GSK3B: variants seen among roughly 807,000 people sequenced by gnomAD.
GSK3B encodes the protein glycogen synthase kinase 3 beta, also known as glycogen synthase kinase-3 beta.
In GSK3B, 15 loss-of-function variants were observed where a neutral mutation model predicts 56.4. The observed-to-expected ratio is 0.27, with a 90% CI of 0.18 to 0.41. The LOEUF (loss-of-function observed/expected upper bound fraction) is 0.41, where lower values mean the gene tolerates loss of function less well. Ranked by LOEUF, GSK3B falls within the 10% of genes least tolerant of loss-of-function variation. GSK3B has a pLI of 1.00. For synonymous variants in GSK3B, 181 were observed against 188.9 expected (o/e 0.96, Z 0.34); for missense variants, 300 against 513.4 (o/e 0.58, Z 4.02).
chr3:119,826,013 TCAGG>T lies in GSK3B; in HGVS notation c.*771_*774del, dbSNP rs1489307696. On this transcript the variant is annotated 3_prime_UTR_variant, in exon 11 of 11. Transcript: ENST00000264235. ...TGCTAAGATTTGCAAAGAACTTTGG[TCAGG>T]CAAACAAAGAGCCACCTGTAGAGCA... 1 of 219,258 alleles carries T rather than the reference TCAGG, an allele frequency of 4.6e-6. No individual in the cohort carries two copies. The highest frequency in any genetic ancestry group is 2.2e-5 in the African/African-American group (1 of 44,546). 13.6% of individuals were successfully genotyped at this position (219,258 alleles called of 1,614,324 possible). A position where few individuals can be genotyped will look rare whatever the true frequency, so the allele number is the denominator to read the frequency against.
chr3:119,929,888 C>A lies in GSK3B; in HGVS notation c.367-6405G>T, dbSNP rs190187688. Among the ~76,000 whole-genome samples, 562 of 145,894 alleles carry A rather than the reference C, an allele frequency of 3.9e-3. 2 individuals are homozygous for A. The highest frequency in any genetic ancestry group is 0.018 in the Middle Eastern group (5 of 282). ...TGCACCCCAGTCTGGGCAACAAGAG[C>A]GAAACTCTGCCTCAAAAAAAAAAAA... On this transcript the variant is annotated intron_variant, in intron 3 of 10. Transcript: ENST00000264235.
At chr3:119,855,139 C>CA (rs2055999769) in intron 9 of GSK3B, among the ~76,000 whole-genome samples, 1 of 152,156 alleles carries the variant, frequency 6.6e-6, no homozygotes, top group Admixed American at 6.5e-5. Flanking sequence ...TCATTGGTTT[C>CA]AAAGAACATC....
At chr3:119,921,604 A>G (rs1373514084) in intron 4 of GSK3B, among the ~76,000 whole-genome samples, 1 of 152,236 alleles carries the variant, frequency 6.6e-6, no homozygotes, top group East Asian at 1.9e-4. Context: ...TATAGGTCAA[A>G]TGATCCGGTT....
chr3:119,838,124 C>T (rs1327723516), intron 10 of GSK3B, among the ~76,000 whole-genome samples: 1 of 151,560 alleles, frequency 6.6e-6, no homozygotes, highest in Non-Finnish European at 1.5e-5. Context: ...CCCGTCTGTA[C>T]TAAAATTGCA....
chr3:119,961,754 G>A (rs2057274901), intron 2 of GSK3B, among the ~76,000 whole-genome samples: 1 of 151,766 alleles, frequency 6.6e-6, no homozygotes, highest in African/African-American at 2.4e-5. Context: ...TATAAAATCA[G>A]TCACTGACTT....
At chr3:120,070,007 G>T (rs1463015750) in intron 1 of GSK3B, among the ~76,000 whole-genome samples, 1 of 152,144 alleles carries the variant, frequency 6.6e-6, no homozygotes, top group African/African-American at 2.4e-5. Context: ...GAGGTCAAGA[G>T]ATCGAGACCA....
chr3:120,045,933 C>G (rs2058098821), intron 1 of GSK3B, among the ~76,000 whole-genome samples: 1 of 152,108 alleles, frequency 6.6e-6, no homozygotes, highest in Non-Finnish European at 1.5e-5. Context: ...CAGAAAAAGA[C>G]ATAAAGGAAT....
intron 1 of GSK3B, among the ~76,000 whole-genome samples, chr3:120,008,739 C>G (rs1306694211): frequency 6.6e-6 from 1 of 152,140 alleles, no homozygotes; most frequent in East Asian, 1.9e-4. Context: ...ACGTTAAGAC[C>G]TAGGTCCATA....
At chr3:119,954,855 T>A (rs1026208200) in intron 2 of GSK3B, among the ~76,000 whole-genome samples, 2 of 152,202 alleles carry the variant, frequency 1.3e-5, no homozygotes, top group Non-Finnish European at 2.9e-5. Context: ...CAGAAGGCTA[T>A]ATTTTTGTAC....
intron 2 of GSK3B, among the ~76,000 whole-genome samples, chr3:119,957,353 C>T (rs1050669011): frequency 6.6e-6 from 1 of 152,120 alleles, no homozygotes; most frequent in African/African-American, 2.4e-5. Flanking sequence ...AGACTACTTG[C>T]CCAGCACAGA....
intron 8 of GSK3B, among the ~76,000 whole-genome samples, chr3:119,874,913 A>C (rs941490036): frequency 6.6e-6 from 1 of 152,054 alleles, no homozygotes; most frequent in African/African-American, 2.4e-5. Context: ...AATAACTATA[A>C]TGGACTCAAA....
intron 7 of GSK3B, among the ~76,000 whole-genome samples, chr3:119,889,052 G>A (rs1247258960): frequency 6.6e-6 from 1 of 152,120 alleles, no homozygotes; most frequent in Non-Finnish European, 1.5e-5. Flanking sequence ...TCTGCCTTTT[G>A]TCCTTTGTCC....
At chr3:120,053,588 G>A (rs2058168682) in intron 1 of GSK3B, among the ~76,000 whole-genome samples, 2 of 152,126 alleles carry the variant, frequency 1.3e-5, no homozygotes, top group African/African-American at 4.8e-5. Flanking sequence ...GATAAAACTG[G>A]CTATTAAAAA....
intron 10 of GSK3B, among the ~76,000 whole-genome samples, chr3:119,827,624 A>G (rs2055534871): frequency 6.6e-6 from 1 of 150,582 alleles, no homozygotes; most frequent in South Asian, 2.1e-4. Context: ...GAGAGAGAGA[A>G]GAAAGAAAAG....
intron 1 of GSK3B, among the ~76,000 whole-genome samples, chr3:120,046,619 T>A (rs1576294220): frequency 1.3e-5 from 2 of 152,306 alleles, no homozygotes; most frequent in Admixed American, 1.3e-4. Context: ...ATTTATTTAT[T>A]TATTTTGAGA....
chr3:119,826,266 G>A lies in GSK3B; in HGVS notation c.*522C>T, dbSNP rs1246789218. On this transcript the variant is annotated 3_prime_UTR_variant, in exon 11 of 11. Coordinates refer to ENST00000264235, the MANE Select transcript of GSK3B (RefSeq NM_001146156.2). ...GCCAAAGGCAAGTCTATAAATACCC[G>A]AAGATATGGATTAATTTTACAAGTG... 1.4e-5 allele frequency: 4 copies of A among 278,356 alleles called. No individual in the cohort carries two copies. Among genetic ancestry groups the A allele is most frequent in the Non-Finnish European group, 2.7e-5 (4 of 145,888 alleles). 17.2% of individuals were successfully genotyped at this position (278,356 alleles called of 1,614,324 possible).
At chr3:120,043,781 T>A (rs2058081699) in intron 1 of GSK3B, among the ~76,000 whole-genome samples, 1 of 152,222 alleles carries the variant, frequency 6.6e-6, no homozygotes, top group South Asian at 2.1e-4. Flanking sequence ...CAGAGCACTT[T>A]TACGGCTTAA....
chr3:120,004,658 T>C (rs2057710302), intron 1 of GSK3B, among the ~76,000 whole-genome samples: 1 of 151,946 alleles, frequency 6.6e-6, no homozygotes, highest in Non-Finnish European at 1.5e-5. Flanking sequence ...TCTAGCAAAC[T>C]CCAATAGACC....
intron 1 of GSK3B, among the ~76,000 whole-genome samples, chr3:120,092,679 T>C (rs778606437): frequency 6.6e-6 from 1 of 152,220 alleles, no homozygotes; most frequent in Non-Finnish European, 1.5e-5. Context: ...AAACCACTTA[T>C]CCAATTGAAC....
Sources: gnomAD v4.1 joint callset for allele counts (sites outside exome capture counted in the v4.1 genomes callset) on GRCh38, gnomAD v4.1.1 for gene constraint, MANE v1.5 for transcripts, NCBI Gene and HGNC (gene_info 2026-07-23, HGNC 2026-07-21) for gene names.